The following ZMAT4 variants were observed in gnomAD, a reference collection of about 807,000 sequenced individuals.
ZMAT4 encodes zinc finger matrin-type 4.
In ZMAT4, 17 loss-of-function variants were observed where a neutral mutation model predicts 28.7. That is an observed-to-expected ratio of 0.59 (90% CI 0.41 to 0.89). The LOEUF (loss-of-function observed/expected upper bound fraction) is 0.89. Ranked by LOEUF, ZMAT4 falls within the 40% of genes least tolerant of loss-of-function variation. The probability of loss-of-function intolerance (pLI) is 0.00; values close to 1 mark genes in which losing one functional copy is unlikely to be tolerated. For missense variants in ZMAT4, 240 were observed against 283.8 expected, an observed-to-expected ratio of 0.85 and a Z score of 1.11; for synonymous variants, 117 against 109.2, an observed-to-expected ratio of 1.07 and a Z score of -0.44.
At chr8:40,689,664 T>A (rs907452598) in intron 4 of ZMAT4, among the ~76,000 whole-genome samples, 1 of 152,016 alleles carries the variant, frequency 6.6e-6, no homozygotes, top group Non-Finnish European at 1.5e-5. Flanking sequence ...CTTTAATAGA[T>A]GATTCAGGAG....
chr8:40,542,666 C>G (rs376857565), intron 6 of ZMAT4, among the ~76,000 whole-genome samples: 1 of 152,080 alleles, frequency 6.6e-6, no homozygotes, highest in Non-Finnish European at 1.5e-5. Flanking sequence ...TGGAATTATA[C>G]GCATGAACCA....
intron 1 of ZMAT4, among the ~76,000 whole-genome samples, chr8:40,839,541 C>G (rs1428985277): frequency 3.3e-5 from 5 of 152,220 alleles, no homozygotes; most frequent in Non-Finnish European, 7.3e-5. Context: ...TATTACAGCA[C>G]TAGTCATGAC....
At chr8:40,816,246 C>T (rs945280492) in intron 2 of ZMAT4, among the ~76,000 whole-genome samples, 2 of 152,176 alleles carry the variant, frequency 1.3e-5, no homozygotes, top group African/African-American at 4.8e-5. Context: ...CAGTCACCCA[C>T]AATCCCCATC....
At chr8:40,592,686 C>T (rs1170472158) in intron 5 of ZMAT4, among the ~76,000 whole-genome samples, 1 of 152,102 alleles carries the variant, frequency 6.6e-6, no homozygotes, top group Non-Finnish European at 1.5e-5. Flanking sequence ...CAAGAAAGGG[C>T]TGGAAAATTG....
chr8:40,613,099 C>T (rs1805861248), intron 5 of ZMAT4, among the ~76,000 whole-genome samples: 1 of 151,874 alleles, frequency 6.6e-6, no homozygotes, highest in Admixed American at 6.6e-5. Context: ...GTGTGAGCCA[C>T]CGTGACCGGC....
intron 5 of ZMAT4, among the ~76,000 whole-genome samples, chr8:40,610,166 C>T (rs1157732): frequency 0.77 from 116,878 of 152,186 alleles, 45,065 homozygotes; most frequent in East Asian, 0.97. Flanking sequence ...TAGGTCCCCA[C>T]TGATTACCAA....
Position 40,628,878 on chromosome 8 carries a change from A to G in ZMAT4, c.577+45826T>C, listed in dbSNP as rs951344661. On this transcript the variant is annotated intron_variant, in intron 5 of 6. Coordinates refer to ENST00000297737, the MANE Select transcript of ZMAT4 (RefSeq NM_024645.3). Reference sequence around the variant, plus strand: ...ATCTCTACTATACAGAATCACTTCTATTAGAATCTAACTACATAGATGTAA... The same window carrying G: ...ATCTCTACTATACAGAATCACTTCTGTTAGAATCTAACTACATAGATGTAA... 2.6e-5 allele frequency among the ~76,000 whole-genome samples: 4 copies of G among 152,212 alleles called. 1 individual carries two copies. Among genetic ancestry groups the G allele is most frequent in the Non-Finnish European group, 4.4e-5 (3 of 68,038 alleles).
intron 4 of ZMAT4, among the ~76,000 whole-genome samples, chr8:40,687,615 T>C (rs933451025): frequency 6.6e-6 from 1 of 152,276 alleles, no homozygotes; most frequent in East Asian, 1.9e-4. Context: ...GTTTCATCAA[T>C]TGTATGGACC....
chr8:40,622,520 T>C (rs1304263658), intron 5 of ZMAT4, among the ~76,000 whole-genome samples: 1 of 152,262 alleles, frequency 6.6e-6, no homozygotes, highest in Non-Finnish European at 1.5e-5. Context: ...TTCTGGGTTT[T>C]ATGTTTCATT....
intron 4 of ZMAT4, among the ~76,000 whole-genome samples, chr8:40,695,768 A>ATTTTTTTTTTTTTT (rs756360990): frequency 1.7e-5 from 1 of 58,468 alleles, no homozygotes; most frequent in African/African-American, 6.8e-5. Flanking sequence ...CCATGTGGCA[A>ATTTTTTTTTTTTTT]TTTTTTTTTT....
intron 3 of ZMAT4, among the ~76,000 whole-genome samples, chr8:40,723,605 A>C (rs1256489905): frequency 1.3e-5 from 2 of 151,520 alleles, no homozygotes; most frequent in Non-Finnish European, 2.9e-5. Context: ...CCAAAAGTTT[A>C]ATTCTCTAAA....
intron 5 of ZMAT4, among the ~76,000 whole-genome samples, chr8:40,614,626 A>G (rs1272876749): frequency 1.3e-5 from 2 of 152,198 alleles, no homozygotes; most frequent in Admixed American, 6.5e-5. Context: ...GGGTGCATAT[A>G]TATTTAGGAT....
intron 5 of ZMAT4, among the ~76,000 whole-genome samples, chr8:40,599,978 C>A (rs1267315797): frequency 6.6e-6 from 1 of 152,206 alleles, no homozygotes; most frequent in Non-Finnish European, 1.5e-5. Flanking sequence ...CTGATCTACT[C>A]GAGCTAGCAC....
rs537254355 is a variant in ZMAT4 at position 40,888,158 on chromosome 8, G to T, written c.-5+9525C>A. Among the ~76,000 whole-genome samples, 6 of 152,188 alleles carry T rather than the reference G, an allele frequency of 3.9e-5. No individual in the cohort carries two copies. In the East Asian group the frequency reaches 1.2e-3, roughly 29 times the overall value. ...TCTTAACTCCTTCAGCATAGGCCAG[G>T]GCCGAACAGAGTGCTACTCCACACC... On this transcript the variant is annotated intron_variant, in intron 1 of 6. Transcript: ENST00000297737.
At chr8:40,653,445 A>T (rs1364207969) in intron 5 of ZMAT4, among the ~76,000 whole-genome samples, 1 of 152,106 alleles carries the variant, frequency 6.6e-6, no homozygotes, top group African/African-American at 2.4e-5. Context: ...TAGAAAAACA[A>T]TAATGGAAGT....
chr8:40,684,313 C>A (rs534137345), intron 4 of ZMAT4, among the ~76,000 whole-genome samples: 2 of 152,192 alleles, frequency 1.3e-5, no homozygotes, highest in African/African-American at 4.8e-5. Context: ...GAAACCATGA[C>A]GTCCTTTCAT....
At chr8:40,892,223 A>G (rs1031057002) in intron 1 of ZMAT4, among the ~76,000 whole-genome samples, 4 of 152,180 alleles carry the variant, frequency 2.6e-5, no homozygotes, top group Non-Finnish European at 5.9e-5. Flanking sequence ...GTTTGCAGAG[A>G]TATCTAAAGT....
chr8:40,782,899 G>A (rs1336941573), intron 2 of ZMAT4, among the ~76,000 whole-genome samples: 1 of 152,216 alleles, frequency 6.6e-6, no homozygotes, highest in African/African-American at 2.4e-5. Flanking sequence ...GTGGCCATCA[G>A]AAAGACAGAC....
intron 1 of ZMAT4, among the ~76,000 whole-genome samples, chr8:40,887,935 C>T (rs890755904): frequency 2.6e-5 from 4 of 152,070 alleles, no homozygotes; most frequent in African/African-American, 4.8e-5. Flanking sequence ...CGCCAGGTCT[C>T]AGCTCCAGAT....
Sources: gnomAD v4.1 joint callset for allele counts (sites outside exome capture counted in the v4.1 genomes callset) on GRCh38, gnomAD v4.1.1 for gene constraint, MANE v1.5 for transcripts, NCBI Gene and HGNC (gene_info 2026-07-23, HGNC 2026-07-21) for gene names.